The following MLLT3 variants were observed in gnomAD, a reference collection of about 807,000 sequenced individuals.
MLLT3 encodes protein AF-9.
In MLLT3, 4 loss-of-function variants were observed where a neutral mutation model predicts 53.2. The observed-to-expected ratio is 0.08, with a 90% confidence interval of 0.04 to 0.17. The LOEUF (loss-of-function observed/expected upper bound fraction) is 0.17, where lower values mean the gene tolerates loss of function less well. Among genes scored for constraint, MLLT3 ranks in the 10% least tolerant of loss-of-function variants. The probability of loss-of-function intolerance (pLI) is 1.00; values close to 1 mark genes in which losing one functional copy is unlikely to be tolerated. For synonymous variants in MLLT3, 283 were observed against 230.6 expected, an observed-to-expected ratio of 1.23 and a Z score of -2.06; for missense variants, 569 against 684.0, an observed-to-expected ratio of 0.83 and a Z score of 1.87.
rs377136321 is a variant in MLLT3 at position 20,505,874 on chromosome 9, C to A, written c.194-49088G>T. ...GTTCATACTACCACTAGTTTAGATA[C>A]CCCCTCAGTGTGATCCCAGCTCAGC... On this transcript the variant is annotated intron_variant, in intron 2 of 10. Transcript: ENST00000380338. Among the ~76,000 whole-genome samples, 34 of 152,278 alleles carry A rather than the reference C, an allele frequency of 2.2e-4. No individual in the cohort carries two copies. In the East Asian group the frequency reaches 2.9e-3, roughly 13 times the overall value.
intron 2 of MLLT3, among the ~76,000 whole-genome samples, chr9:20,527,847 T>A (rs973849815): frequency 2.6e-5 from 4 of 152,192 alleles, no homozygotes; most frequent in African/African-American, 9.6e-5. Flanking sequence ...TACCTGTATT[T>A]CAGAATGACA....
Position 20,448,225 on chromosome 9 carries a change from C to T in MLLT3, c.318G>A (p.Leu106=). The T allele has an allele frequency of 1.2e-6, 2 of 1,613,420 alleles. No homozygotes were observed. The highest frequency in any genetic ancestry group is 1.7e-6 in the Non-Finnish European group (2 of 1,179,630). ...RKVRFDYDLF[L]HLEGHPPVNH... ...TCACTGGTGGATGGCCTTCAAGATG[C>T]AGGAATAAGTCATAATCAAAGCGGA... The change falls in exon 4 of 11, where the codon CTG becomes CTA. Residue 106 remains leucine, a synonymous_variant. Coordinates refer to ENST00000380338, the MANE Select transcript of MLLT3 (RefSeq NM_004529.4). This position sits in a 1 kb window ranked among gnomAD's most constrained non-coding sequence, Gnocchi z 4.0.
chr9:20,408,471 CAATT>C (rs1822642726), intron 5 of MLLT3, among the ~76,000 whole-genome samples: 1 of 152,020 alleles, frequency 6.6e-6, no homozygotes, highest in Non-Finnish European at 1.5e-5. Context: ...CTGGTAATTT[CAATT>C]AATGTTCCAC....
At chr9:20,458,634 T>C (rs1463573570) in intron 2 of MLLT3, among the ~76,000 whole-genome samples, 1 of 152,118 alleles carries the variant, frequency 6.6e-6, no homozygotes, top group African/African-American at 2.4e-5. Flanking sequence ...TGTGAGGACA[T>C]GGTGAGAAGA....
chr9:20,393,500 TC>T (rs1822241900), intron 5 of MLLT3, among the ~76,000 whole-genome samples: 1 of 152,210 alleles, frequency 6.6e-6, no homozygotes, highest in Non-Finnish European at 1.5e-5. Context: ...CACTATATCA[TC>T]TACAGTAGAC....
intron 2 of MLLT3, among the ~76,000 whole-genome samples, chr9:20,598,690 C>T (rs1233981332): frequency 6.6e-6 from 1 of 152,180 alleles, no homozygotes; most frequent in Non-Finnish European, 1.5e-5. Flanking sequence ...TAAGTTTTAG[C>T]TAATTTACCT....
intron 3 of MLLT3, among the ~76,000 whole-genome samples, chr9:20,454,246 T>C (rs1038077138): frequency 6.6e-6 from 1 of 152,116 alleles, no homozygotes; most frequent in Non-Finnish European, 1.5e-5. Flanking sequence ...TGTGTGTGTG[T>C]GTGTGTGTGC....
intron 2 of MLLT3, among the ~76,000 whole-genome samples, chr9:20,564,970 G>C (rs1442375119): frequency 6.6e-6 from 1 of 152,096 alleles, no homozygotes; most frequent in East Asian, 1.9e-4. Flanking sequence ...ATTAAACTCA[G>C]CTTACACGTC....
intron 3 of MLLT3, among the ~76,000 whole-genome samples, chr9:20,455,920 C>A (rs1009164183): frequency 1.8e-4 from 27 of 146,496 alleles, no homozygotes; most frequent in African/African-American, 6.7e-4. Context: ...ATATGTACTG[C>A]TAAAAACTTT....
intron 2 of MLLT3, among the ~76,000 whole-genome samples, chr9:20,484,243 T>A (rs923962735): frequency 5.3e-5 from 8 of 152,150 alleles, no homozygotes; most frequent in African/African-American, 1.9e-4. Context: ...TTCCTACTAG[T>A]ATCACTATAT....
chr9:20,596,612 G>A (rs1290351457), intron 2 of MLLT3, among the ~76,000 whole-genome samples: 1 of 152,134 alleles, frequency 6.6e-6, no homozygotes, highest in Non-Finnish European at 1.5e-5. Context: ...AATCGCTTGA[G>A]CCCAGGAGCT....
rs545067269 is a variant in MLLT3 at position 20,467,100 on chromosome 9, G to C, written c.194-10314C>G. 2.6e-5 allele frequency among the ~76,000 whole-genome samples: 4 copies of C among 151,822 alleles called. No individual in the cohort carries two copies. In the South Asian group the frequency reaches 8.3e-4, roughly 32 times the overall value. On this transcript the variant is annotated intron_variant, in intron 2 of 10. Coordinates refer to ENST00000380338, the MANE Select transcript of MLLT3 (RefSeq NM_004529.4). ...AACTAGAGACACTATGAAAATAAGAGGGAGGTTAAAAAACAAAAAGAGAGA... is the reference window on the plus strand; with the variant it reads ...AACTAGAGACACTATGAAAATAAGACGGAGGTTAAAAAACAAAAAGAGAGA...
chr9:20,358,229 A>G (rs1821222048), intron 8 of MLLT3, among the ~76,000 whole-genome samples: 1 of 152,192 alleles, frequency 6.6e-6, no homozygotes, highest in Non-Finnish European at 1.5e-5. Context: ...AACAAGGTTT[A>G]AGAAACCTTT....
chr9:20,532,412 T>C (rs577431519), intron 2 of MLLT3: 40 of 162,240 alleles, frequency 2.5e-4, no homozygotes, highest in African/African-American at 8.9e-4. Flanking sequence ...AATATGTTCA[T>C]AATCGTAAAA....
At chr9:20,569,380 C>A (rs576296114) in intron 2 of MLLT3, among the ~76,000 whole-genome samples, 1 of 152,178 alleles carries the variant, frequency 6.6e-6, no homozygotes, top group South Asian at 2.1e-4. Flanking sequence ...CTGCACACAC[C>A]ATTACCCAAT....
intron 2 of MLLT3, among the ~76,000 whole-genome samples, chr9:20,576,955 A>G (rs1049128728): frequency 2.6e-5 from 4 of 152,156 alleles, no homozygotes; most frequent in African/African-American, 9.6e-5. Context: ...AGTCTGGGCA[A>G]TATAGTGAGA....
intron 3 of MLLT3, among the ~76,000 whole-genome samples, chr9:20,451,907 T>G (rs1335245332): frequency 6.6e-6 from 1 of 152,064 alleles, no homozygotes; most frequent in East Asian, 1.9e-4. Flanking sequence ...ACAAATAGGG[T>G]TGTTTTGTTG....
chr9:20,460,766 A>T (rs1824085562), intron 2 of MLLT3, among the ~76,000 whole-genome samples: 1 of 152,220 alleles, frequency 6.6e-6, no homozygotes, highest in South Asian at 2.1e-4. Context: ...TGTTTTTCCA[A>T]AAGAAGTGGT....
chr9:20,462,986 A>C (rs1824149097), intron 2 of MLLT3, among the ~76,000 whole-genome samples: 1 of 152,186 alleles, frequency 6.6e-6, no homozygotes, highest in African/African-American at 2.4e-5. Flanking sequence ...GAAAACAATG[A>C]AACAACAGAC....
Sources: allele counts gnomAD v4.1 joint callset (sites outside exome capture counted in the v4.1 genomes callset), GRCh38; gene constraint gnomAD v4.1.1; non-coding constraint Gnocchi (gnomAD v3.1); transcripts MANE v1.5; gene names NCBI Gene and HGNC (gene_info 2026-07-23, HGNC 2026-07-21).